Variants in ZFYVE28 observed in about 807,000 individuals in gnomAD.
ZFYVE28 encodes lateral signaling target protein 2 homolog.
Under a neutral mutation model 82.1 loss-of-function variants are expected in ZFYVE28, and 40 were observed. The observed-to-expected ratio is 0.49, with a 90% confidence interval of 0.38 to 0.63. The LOEUF (loss-of-function observed/expected upper bound fraction) is 0.63. Ranked by LOEUF, ZFYVE28 falls within the 30% of genes least tolerant of loss-of-function variation. The pLI is 0.00. For synonymous variants in ZFYVE28, 612 were observed against 546.1 expected (o/e 1.12, Z -1.68); for missense variants, 1,321 against 1,242.1 (o/e 1.06, Z -0.96).
At chr4:2,308,627 C>CAAAGAAAGAA (rs1305129210) in intron 7 of ZFYVE28, among the ~76,000 whole-genome samples, 3 of 79,522 alleles carry the variant, frequency 3.8e-5, no homozygotes, top group East Asian at 7.5e-4. Flanking sequence ...AGAAAGAAGA[C>CAAAGAAAGAA]AGAAAGAAAG....
At chr4:2,280,044 T>A (rs560234436) in intron 8 of ZFYVE28, among the ~76,000 whole-genome samples, 1 of 152,322 alleles carries the variant, frequency 6.6e-6, no homozygotes, top group Non-Finnish European at 1.5e-5. Flanking sequence ...AAGAGAATGT[T>A]TTTCTTGTAA....
At chr4:2,354,109 G>A (rs1393680946) in intron 1 of ZFYVE28, 36 bp from the exon 2 acceptor site, 2 of 1,454,848 alleles carry the variant, frequency 1.4e-6, no homozygotes, top group Non-Finnish European at 9.1e-7. Flanking sequence ...TGAGTGGGTG[G>A]GGAACTGGAG....
At position 2,339,834 on chromosome 4, in the gene ZFYVE28, C is replaced by A. The variant is rs886395628; in HGVS notation, c.319-179G>T. 6.6e-6 allele frequency among the ~76,000 whole-genome samples: 1 copy of A among 151,718 alleles called. No individual in the cohort carries two copies. The highest frequency in any genetic ancestry group is 2.4e-5 in the African/African-American group (1 of 41,290). On this transcript the variant is annotated intron_variant, in intron 3 of 12. Coordinates refer to ENST00000290974, the MANE Select transcript of ZFYVE28 (RefSeq NM_020972.3). This position sits in a 1 kb window ranked among gnomAD's most constrained non-coding sequence, Gnocchi z 5.0. The stretch of plus-strand genomic sequence containing the variant: ...CTTACATTCAGAGCAATCGTGAGGG[C>A]GATAACCGATGTCCCCCAATGTGAC...
At chr4:2,283,016 G>A (rs949265876) in intron 8 of ZFYVE28, among the ~76,000 whole-genome samples, 3 of 152,164 alleles carry the variant, frequency 2.0e-5, no homozygotes, top group Admixed American at 1.3e-4. Flanking sequence ...TTAGCAGCTC[G>A]GGCATTTGTA....
At chr4:2,298,423 G>A (rs368595606) in intron 8 of ZFYVE28, among the ~76,000 whole-genome samples, 111 of 152,294 alleles carry the variant, frequency 7.3e-4, no homozygotes, top group South Asian at 3.5e-3. Context: ...TCACATCTGC[G>A]TATGGAGCAG....
At chr4:2,330,148 GAGTA>G (rs1407181920) in intron 6 of ZFYVE28, 6 of 480,834 alleles carry the variant, frequency 1.2e-5, no homozygotes, top group Non-Finnish European at 1.6e-5. Flanking sequence ...GACCGCTCAG[GAGTA>G]AGAGACATCT....
At chr4:2,398,508 C>A (rs556459093) in intron 1 of ZFYVE28, among the ~76,000 whole-genome samples, 1 of 152,132 alleles carries the variant, frequency 6.6e-6, no homozygotes, top group East Asian at 1.9e-4. Flanking sequence ...GAGACCAGTA[C>A]AAGAGAGGAG....
intron 7 of ZFYVE28, among the ~76,000 whole-genome samples, chr4:2,308,574 A>T (rs549356210): frequency 6.7e-6 from 1 of 149,812 alleles, no homozygotes; most frequent in Admixed American, 6.7e-5. Context: ...GGAAAGAAGG[A>T]AAGCAAGAAA....
intron 7 of ZFYVE28, among the ~76,000 whole-genome samples, chr4:2,315,735 C>T (rs1718109964): frequency 6.6e-6 from 1 of 152,166 alleles, no homozygotes; most frequent in East Asian, 1.9e-4. Context: ...TTGGCAATTT[C>T]ACTATGATAT....
In ZFYVE28 at chr4:2,339,324, G is replaced by T; in HGVS notation, c.521+129C>A. On this transcript the variant is annotated intron_variant, in intron 4 of 12. Transcript: ENST00000290974. This position sits in a 1 kb window ranked among gnomAD's most constrained non-coding sequence, Gnocchi z 5.0. ...CCAGGGCTTAACCCCACCCACAGGC[G>T]GCCCTGAACCTGCCTGGCTCCTCCC... 1 of 1,025,980 alleles carries T rather than the reference G, an allele frequency of 9.7e-7. No homozygotes were observed. The highest frequency in any genetic ancestry group is 1.4e-6 in the Non-Finnish European group (1 of 699,728). The allele number at this position is 1,025,980 out of a possible 1,614,324, so 63.6% of individuals were successfully genotyped here. A position where few individuals can be genotyped will look rare whatever the true frequency, so the allele number is the denominator to read the frequency against.
rs1578127088 is a variant in ZFYVE28 at position 2,332,585 on chromosome 4, C to A, written c.701+3120G>T. ...TGGTACAAGCACAGGGCGAGGTATG[C>A]AGTAGGCACTCAATACTTGCTCACT... is the stretch of plus-strand genomic sequence containing the variant. On this transcript the variant is annotated intron_variant, in intron 6 of 12. Coordinates refer to ENST00000290974, the MANE Select transcript of ZFYVE28 (RefSeq NM_020972.3). This position sits in a 1 kb window ranked among gnomAD's most constrained non-coding sequence, Gnocchi z 4.7. 6.6e-6 allele frequency among the ~76,000 whole-genome samples: 1 copy of A among 152,200 alleles called. No individual in the cohort carries two copies. Among genetic ancestry groups the A allele is most frequent in the African/African-American group, 2.4e-5 (1 of 41,444 alleles).
chr4:2,309,950 G>T (rs188037931), intron 7 of ZFYVE28, among the ~76,000 whole-genome samples: 1 of 151,976 alleles, frequency 6.6e-6, no homozygotes, highest in African/African-American at 2.4e-5. Flanking sequence ...AAAATTATAT[G>T]ATTTTTCTTC....
intron 8 of ZFYVE28, among the ~76,000 whole-genome samples, chr4:2,275,865 C>T (rs1382375588): frequency 6.6e-6 from 1 of 152,214 alleles, no homozygotes; most frequent in Non-Finnish European, 1.5e-5. Flanking sequence ...GCTGGGGATT[C>T]CAGTGAAACG....
chr4:2,393,073 C>G (rs1730007743), intron 1 of ZFYVE28, among the ~76,000 whole-genome samples: 1 of 152,272 alleles, frequency 6.6e-6, no homozygotes, highest in African/African-American at 2.4e-5. Flanking sequence ...CAGGCTGCGT[C>G]TGCCCCTCCT....
intron 2 of ZFYVE28, among the ~76,000 whole-genome samples, chr4:2,347,218 T>G (rs1267597102): frequency 6.6e-6 from 1 of 152,194 alleles, no homozygotes; most frequent in Non-Finnish European, 1.5e-5. Context: ...AGGGTTCAAT[T>G]TATTAGGAGC....
At chr4:2,413,318 T>G (rs971290983) in intron 1 of ZFYVE28, among the ~76,000 whole-genome samples, 1 of 152,266 alleles carries the variant, frequency 6.6e-6, no homozygotes. Flanking sequence ...GCACTCCCGC[T>G]GACCACAGCC....
intron 6 of ZFYVE28, chr4:2,330,151 TA>T: frequency 1.9e-6 from 1 of 516,174 alleles, no homozygotes; most frequent in Non-Finnish European, 2.5e-6. Context: ...CGCTCAGGAG[TA>T]AGAGACATCT....
At chr4:2,412,548 A>G (rs1732630401) in intron 1 of ZFYVE28, among the ~76,000 whole-genome samples, 1 of 144,264 alleles carries the variant, frequency 6.9e-6, no homozygotes, top group African/African-American at 2.4e-5. Flanking sequence ...ATTTAGACAC[A>G]TGACCGGCAA....
At chr4:2,364,889 C>A in intron 1 of ZFYVE28, 1 of 985,554 alleles carries the variant, frequency 1.0e-6, no homozygotes, top group East Asian at 1.1e-4. Context: ...CCGTGGACCC[C>A]GGAAGAGGCG....
Sources: allele counts gnomAD v4.1 joint callset (sites outside exome capture counted in the v4.1 genomes callset), GRCh38; gene constraint gnomAD v4.1.1; non-coding constraint Gnocchi (gnomAD v3.1); transcripts MANE v1.5; gene names NCBI Gene and HGNC (gene_info 2026-07-23, HGNC 2026-07-21).